NRXN1: variants seen among roughly 807,000 people sequenced by gnomAD.
NRXN1 encodes neurexin 1.
Under a neutral mutation model 150.9 loss-of-function variants are expected in NRXN1, and 39 were observed. That is an observed-to-expected ratio of 0.26 (90% CI 0.20 to 0.34). The LOEUF (loss-of-function observed/expected upper bound fraction) is 0.34. NRXN1 is among the 10% of genes least tolerant of loss of function. NRXN1 has a pLI of 1.00. For missense variants in NRXN1, 1,815 were observed against 1,949.9 expected (o/e 0.93, Z 1.30); for synonymous variants, 924 against 757.0 (o/e 1.22, Z -3.62).
intron 5 of NRXN1, among the ~76,000 whole-genome samples, chr2:50,767,763 A>G (rs959392126): frequency 2.0e-5 from 3 of 152,108 alleles, no homozygotes; most frequent in Non-Finnish European, 4.4e-5. Flanking sequence ...TATGTTACCA[A>G]TGCATTTTAA....
chr2:50,179,904 G>A (rs1385732215), intron 18 of NRXN1, among the ~76,000 whole-genome samples: 1 of 151,854 alleles, frequency 6.6e-6, no homozygotes, highest in African/African-American at 2.4e-5. Context: ...CAAATAATCG[G>A]TTTGATTTTT....
At chr2:49,973,660 T>C (rs1235903795) in intron 21 of NRXN1, 1 of 368,854 alleles carries the variant, frequency 2.7e-6, no homozygotes, top group Non-Finnish European at 4.9e-6. Flanking sequence ...TTGGTTGTTT[T>C]TGCCACAAGC....
intron 5 of NRXN1, among the ~76,000 whole-genome samples, chr2:50,868,141 T>TA (rs1677204299): frequency 1.1e-5 from 1 of 87,692 alleles, no homozygotes; most frequent in Admixed American, 1.0e-4. Flanking sequence ...AAACAAAATA[T>TA]TATATATATA....
In NRXN1 at chr2:50,099,904, G is replaced by C. The variant is rs115536207; in HGVS notation, c.3547-8410C>G. Among the ~76,000 whole-genome samples, 460 of 152,202 alleles carry C rather than the reference G, an allele frequency of 3.0e-3. 1 individual carries two copies. The highest frequency in any genetic ancestry group is 8.2e-3 in the Admixed American group (125 of 15,286). Reference sequence around the variant, plus strand: ...TTCTCCCGTTGATTATGCTGAGGCAGAGCATGCTTGATTAGACAACATCCA... The same window carrying C: ...TTCTCCCGTTGATTATGCTGAGGCACAGCATGCTTGATTAGACAACATCCA... On this transcript the variant is annotated intron_variant, in intron 18 of 22. Coordinates refer to ENST00000401669, the MANE Select transcript of NRXN1 (RefSeq NM_001330078.2).
intron 21 of NRXN1, among the ~76,000 whole-genome samples, chr2:50,002,708 G>A (rs577518416): frequency 6.6e-6 from 1 of 151,962 alleles, no homozygotes; most frequent in South Asian, 2.1e-4. Flanking sequence ...TGCTCTGTCC[G>A]CCATTCCCGA....
chr2:51,000,850 G>C (rs1305496453), intron 2 of NRXN1, among the ~76,000 whole-genome samples: 1 of 151,882 alleles, frequency 6.6e-6, no homozygotes, highest in South Asian at 2.1e-4. Context: ...TACAAAAGAT[G>C]AGAAATGACA....
intron 5 of NRXN1, among the ~76,000 whole-genome samples, chr2:50,761,505 C>T (rs1214923687): frequency 6.6e-6 from 1 of 151,888 alleles, no homozygotes; most frequent in Non-Finnish European, 1.5e-5. Flanking sequence ...GTGAGGCCTC[C>T]CAGCCATGTG....
chr2:49,982,177 T>G (rs192141992), intron 21 of NRXN1, among the ~76,000 whole-genome samples: 49 of 152,096 alleles, frequency 3.2e-4, no homozygotes, highest in Admixed American at 1.0e-3. Flanking sequence ...TTTGGAGAGA[T>G]AGAAGATTGA....
chr2:50,143,054 A>G (rs1707498860), intron 18 of NRXN1, among the ~76,000 whole-genome samples: 3 of 152,100 alleles, frequency 2.0e-5, no homozygotes, highest in Non-Finnish European at 2.9e-5. Flanking sequence ...TTAACATTTT[A>G]TACCATGCAA....
intron 5 of NRXN1, among the ~76,000 whole-genome samples, chr2:50,890,359 A>T (rs11902085): frequency 0.35 from 52,991 of 151,576 alleles, 10,050 homozygotes; most frequent in Non-Finnish European, 0.43. Flanking sequence ...TCAACCACTC[A>T]GTAAATGTAC....
chr2:50,642,308 G>T (rs1045163666), intron 5 of NRXN1, among the ~76,000 whole-genome samples: 3 of 151,884 alleles, frequency 2.0e-5, no homozygotes, highest in Non-Finnish European at 4.4e-5. Context: ...TTAAAAAGAA[G>T]AAAAAACAAT....
At chr2:50,431,151 T>C (rs2084932563) in intron 17 of NRXN1, among the ~76,000 whole-genome samples, 1 of 152,192 alleles carries the variant, frequency 6.6e-6, no homozygotes, top group African/African-American at 2.4e-5. Flanking sequence ...ATTATCTCTG[T>C]CTTCTTTTTG....
At position 50,347,352 on chromosome 2, in the gene NRXN1, C is replaced by T. The variant is rs1296328401; in HGVS notation, c.3365-110382G>A. On this transcript the variant is annotated intron_variant, in intron 17 of 22. Transcript: ENST00000401669. This position sits in a 1 kb window ranked among gnomAD's most constrained non-coding sequence, Gnocchi z 4.9. ...TGTTTAAAGCTCCTCCTGGAAGGTC[C>T]TCACTTCTACATGACAGACATCCAC... 1 of 1,225,174 alleles carries T rather than the reference C, an allele frequency of 8.2e-7. No homozygotes were observed. The highest frequency in any genetic ancestry group is 1.6e-5 in the African/African-American group (1 of 63,114). The allele number at this position is 1,225,174 out of a possible 1,614,324, so 75.9% of individuals were successfully genotyped here. A position where few individuals can be genotyped will look rare whatever the true frequency, so the allele number is the denominator to read the frequency against.
intron 21 of NRXN1, among the ~76,000 whole-genome samples, chr2:50,007,981 G>A (rs6545142): frequency 0.52 from 78,727 of 152,006 alleles, 20,762 homozygotes; most frequent in Middle Eastern, 0.62. Flanking sequence ...TAAGTAACCA[G>A]TCCTGGCTTT....
At chr2:50,476,015 T>C (rs991675843) in intron 15 of NRXN1, among the ~76,000 whole-genome samples, 2 of 152,080 alleles carry the variant, frequency 1.3e-5, no homozygotes, top group African/African-American at 4.8e-5. Flanking sequence ...CCTGTAGATA[T>C]GAAGCTAGCC....
In NRXN1 at chr2:50,231,047, C is replaced by G. The variant is rs149472024; in HGVS notation, c.3546+5742G>C. ...GAATTAGGAAAGCTACCTCGTGATA[C>G]GGCAATAGAAAAAATAAATAAATGA... On this transcript the variant is annotated intron_variant, in intron 18 of 22. Transcript: ENST00000401669. Among the ~76,000 whole-genome samples, 7 of 151,856 alleles carry G rather than the reference C, an allele frequency of 4.6e-5. No individual in the cohort carries two copies. The East Asian group carries it at 9.7e-4, about 21-fold the overall frequency.
chr2:50,994,326 T>A (rs1170133379), intron 2 of NRXN1, among the ~76,000 whole-genome samples: 1 of 151,998 alleles, frequency 6.6e-6, no homozygotes, highest in Non-Finnish European at 1.5e-5. Flanking sequence ...TCACCTTGCA[T>A]TTTTCAAGGA....
At chr2:50,535,693 G>C (rs13002153) in intron 10 of NRXN1, among the ~76,000 whole-genome samples, 45,962 of 151,972 alleles carry the variant, frequency 0.3, 7,405 homozygotes, top group East Asian at 0.51. Flanking sequence ...CCTTCTTATA[G>C]GATCAATACA....
intron 5 of NRXN1, among the ~76,000 whole-genome samples, chr2:50,698,241 G>GACA (rs1279346793): frequency 1.3e-5 from 2 of 152,186 alleles, no homozygotes; most frequent in Non-Finnish European, 2.9e-5. Context: ...GTTGTCCAAG[G>GACA]ACATTTGGTA....
Sources: gnomAD v4.1 joint callset for allele counts (sites outside exome capture counted in the v4.1 genomes callset) on GRCh38, gnomAD v4.1.1 for gene constraint, Gnocchi (gnomAD v3.1) non-coding constraint, MANE v1.5 for transcripts, NCBI Gene and HGNC (gene_info 2026-07-23, HGNC 2026-07-21) for gene names.